Variants in THSD7B observed in about 807,000 individuals in gnomAD.
THSD7B encodes the protein thrombospondin type 1 domain containing 7B.
In THSD7B, 138 loss-of-function variants were observed where a neutral mutation model predicts 213.6. The ratio of observed to expected loss-of-function variants is 0.65; its 90% CI spans 0.56 to 0.74. The LOEUF (loss-of-function observed/expected upper bound fraction) is 0.74. Ranked by LOEUF, THSD7B falls within the 30% of genes least tolerant of loss-of-function variation. THSD7B has a pLI of 0.00. For synonymous variants in THSD7B, 742 were observed against 687.0 expected, an observed-to-expected ratio of 1.08 and a Z score of -1.25; for missense variants, 1,931 against 1,991.5, an observed-to-expected ratio of 0.97 and a Z score of 0.58.
chr2:136,985,731 C>T (rs924107177), intron 2 of THSD7B, among the ~76,000 whole-genome samples: 1 of 152,200 alleles, frequency 6.6e-6, no homozygotes, highest in Non-Finnish European at 1.5e-5. Flanking sequence ...AAAAGGCCAT[C>T]GCTCTCCAGA....
intron 1 of THSD7B, among the ~76,000 whole-genome samples, chr2:136,783,741 C>T (rs1162116464): frequency 6.6e-6 from 1 of 152,168 alleles, no homozygotes; most frequent in African/African-American, 2.4e-5. Context: ...TTGCAGGAAT[C>T]AGCTCCCCTC....
At chr2:137,529,418 G>A (rs1344840533) in intron 15 of THSD7B, among the ~76,000 whole-genome samples, 4 of 151,948 alleles carry the variant, frequency 2.6e-5, no homozygotes, top group African/African-American at 4.8e-5. Flanking sequence ...ATGTGCTAAG[G>A]GACTAATGAT....
intron 12 of THSD7B, among the ~76,000 whole-genome samples, chr2:137,330,199 G>C (rs1271071598): frequency 6.6e-6 from 1 of 152,158 alleles, no homozygotes; most frequent in African/African-American, 2.4e-5. Flanking sequence ...TAGAGGCCTC[G>C]TAAAGAAACT....
At chr2:137,000,636 CTG>C (rs1356014478) in intron 2 of THSD7B, among the ~76,000 whole-genome samples, 1 of 151,890 alleles carries the variant, frequency 6.6e-6, no homozygotes, top group Non-Finnish European at 1.5e-5. Flanking sequence ...AAATAAAAAT[CTG>C]TTTATATTGT....
chr2:137,667,734 C>T (rs1683476704), intron 26 of THSD7B, 40 bp from the exon 27 acceptor site: 2 of 1,522,938 alleles, frequency 1.3e-6, no homozygotes, highest in South Asian at 2.4e-5. Context: ...CTGCAGACTT[C>T]TGTATGCTAA....
In THSD7B at chr2:137,100,431, G is replaced by A. The variant is rs189066909; in HGVS notation, c.1199+5310G>A. Reference sequence around the variant, plus strand: ...TGCAAAAGTAATTGCAGTTTTTGCCGTGGAAAGCAATGGCAAAAACTGCAA... The same window carrying A: ...TGCAAAAGTAATTGCAGTTTTTGCCATGGAAAGCAATGGCAAAAACTGCAA... On this transcript the variant is annotated intron_variant, in intron 4 of 27. Coordinates refer to ENST00000409968, the MANE Select transcript of THSD7B (RefSeq NM_001316349.2). 1.3e-4 allele frequency among the ~76,000 whole-genome samples: 20 copies of A among 151,694 alleles called. No individual in the cohort carries two copies. The East Asian group carries it at 1.6e-3, about 12-fold the overall frequency.
At position 137,357,425 on chromosome 2, in the gene THSD7B, T is replaced by C. The variant is rs765792454; in HGVS notation, c.2501-48188T>C. ...TGAGCTTTAGAGTTTTTTTGTTTGT[T>C]TGTTTGTTTACAAACTGAGATTATA... is the stretch of plus-strand genomic sequence containing the variant. On this transcript the variant is annotated intron_variant, in intron 12 of 27. Coordinates refer to ENST00000409968, the MANE Select transcript of THSD7B (RefSeq NM_001316349.2). Among the ~76,000 whole-genome samples, 85 of 152,208 alleles carry C rather than the reference T, an allele frequency of 5.6e-4. 1 individual carries two copies. Among genetic ancestry groups the C allele is most frequent in the Middle Eastern group, 3.2e-3 (1 of 316 alleles).
rs552294076 is a variant in THSD7B at position 137,230,357 on chromosome 2, G to A, written c.1724-687G>A. 7.2e-5 allele frequency among the ~76,000 whole-genome samples: 11 copies of A among 152,266 alleles called. No homozygotes were observed. In the South Asian group the frequency reaches 2.3e-3, roughly 32 times the overall value. On this transcript the variant is annotated intron_variant, in intron 7 of 27. Transcript: ENST00000409968. Reference sequence around the variant, plus strand: ...GTACTGAGGCAATAGCAAAATTGAGGATCCTTGACATCTGGTGTGTTTGTG... The same window carrying A: ...GTACTGAGGCAATAGCAAAATTGAGAATCCTTGACATCTGGTGTGTTTGTG...
chr2:136,904,622 G>A (rs1456267525), intron 2 of THSD7B, among the ~76,000 whole-genome samples: 2 of 152,156 alleles, frequency 1.3e-5, no homozygotes, highest in Non-Finnish European at 2.9e-5. Context: ...CTTCTTCCAT[G>A]TCAGAACACT....
intron 20 of THSD7B, among the ~76,000 whole-genome samples, chr2:137,627,160 C>T (rs1682647018): frequency 6.6e-6 from 1 of 152,198 alleles, no homozygotes; most frequent in Admixed American, 6.5e-5. Flanking sequence ...CACTTTTTAA[C>T]AACCCTGTCT....
intron 6 of THSD7B, among the ~76,000 whole-genome samples, chr2:137,163,185 G>A (rs1413213643): frequency 6.6e-6 from 1 of 152,070 alleles, no homozygotes; most frequent in African/African-American, 2.4e-5. Context: ...TTTCTCTATA[G>A]TAAAAGTCAA....
At chr2:136,892,679 C>T (rs1205959212) in intron 2 of THSD7B, among the ~76,000 whole-genome samples, 1 of 151,766 alleles carries the variant, frequency 6.6e-6, no homozygotes, top group African/African-American at 2.4e-5. Flanking sequence ...TGTTTTCCTG[C>T]AGAGATTAAG....
chr2:136,770,902 G>C (rs1681493080), intron 1 of THSD7B, among the ~76,000 whole-genome samples: 1 of 151,874 alleles, frequency 6.6e-6, no homozygotes, highest in Non-Finnish European at 1.5e-5. Context: ...TTCATATAAA[G>C]CCACTCTAAC....
chr2:137,112,525 T>C (rs1288840262), intron 4 of THSD7B, among the ~76,000 whole-genome samples: 1 of 152,236 alleles, frequency 6.6e-6, no homozygotes, highest in Non-Finnish European at 1.5e-5. Context: ...TCCTTCATAA[T>C]AACTTCCCAA....
intron 10 of THSD7B, among the ~76,000 whole-genome samples, chr2:137,245,932 T>C (rs1239869684): frequency 6.6e-6 from 1 of 152,124 alleles, no homozygotes; most frequent in Non-Finnish European, 1.5e-5. Context: ...TAGACCGAAA[T>C]GGGGCCTGGA....
At chr2:137,221,295 C>A (rs1681365514) in intron 7 of THSD7B, among the ~76,000 whole-genome samples, 1 of 151,148 alleles carries the variant, frequency 6.6e-6, no homozygotes, top group Non-Finnish European at 1.5e-5. Flanking sequence ...TCAAAAAAAA[C>A]AAAAACAAAA....
chr2:137,460,452 G>C (rs1315364382), intron 15 of THSD7B, among the ~76,000 whole-genome samples: 1 of 151,976 alleles, frequency 6.6e-6, no homozygotes, highest in African/African-American at 2.4e-5. Flanking sequence ...TTGCCTTTTA[G>C]AAATAAATTA....
intron 20 of THSD7B, among the ~76,000 whole-genome samples, chr2:137,631,130 A>G (rs1682734275): frequency 6.6e-6 from 1 of 152,224 alleles, no homozygotes; most frequent in Non-Finnish European, 1.5e-5. Flanking sequence ...TAATTGTGTT[A>G]AAGATTTCAA....
chr2:137,616,830 T>G (rs1026871231), intron 18 of THSD7B, among the ~76,000 whole-genome samples: 3 of 152,186 alleles, frequency 2.0e-5, no homozygotes, highest in Non-Finnish European at 4.4e-5. Context: ...GCTCAGTAAT[T>G]TTCCAGGCAC....
Sources: allele counts gnomAD v4.1 joint callset (sites outside exome capture counted in the v4.1 genomes callset), GRCh38; gene constraint gnomAD v4.1.1; transcripts MANE v1.5; gene names NCBI Gene and HGNC (gene_info 2026-07-23, HGNC 2026-07-21).